The following HSF1 variants were observed in gnomAD, a reference collection of about 807,000 sequenced individuals.
The protein encoded by HSF1 is heat shock transcription factor 1.
In HSF1, 32 loss-of-function variants were observed where a neutral mutation model predicts 51.7. That is an observed-to-expected ratio of 0.62 (90% confidence interval 0.47 to 0.83). The LOEUF (loss-of-function observed/expected upper bound fraction) is 0.83. HSF1 is among the 40% of genes least tolerant of loss of function. The probability of loss-of-function intolerance (pLI) is 0.00; values close to 1 mark genes in which losing one functional copy is unlikely to be tolerated. For synonymous variants in HSF1, 396 were observed against 309.7 expected (o/e 1.28, Z -2.92); for missense variants, 727 against 717.0 (o/e 1.01, Z -0.16).
intron 1 of HSF1, among the ~76,000 whole-genome samples, chr8:144,298,426 G>A (rs1413116290): frequency 2.8e-5 from 4 of 143,516 alleles, no homozygotes; most frequent in Non-Finnish European, 6.0e-5. Flanking sequence ...GTGAAACCCC[G>A]TCTCTACTAA....
At chr8:144,303,046 G>C (rs1816001486) in intron 1 of HSF1, among the ~76,000 whole-genome samples, 1 of 152,046 alleles carries the variant, frequency 6.6e-6, no homozygotes, top group African/African-American at 2.4e-5. Flanking sequence ...CATCCGCTTT[G>C]GAAAGCAGCT....
chr8:144,300,021 A>G (rs1386639274), intron 1 of HSF1, among the ~76,000 whole-genome samples: 4 of 152,200 alleles, frequency 2.6e-5, no homozygotes, highest in Non-Finnish European at 5.9e-5. Context: ...GTTTACTGAG[A>G]TAGTTCCCCT....
intron 1 of HSF1, among the ~76,000 whole-genome samples, chr8:144,308,576 G>A (rs1463276344): frequency 2.0e-5 from 3 of 150,810 alleles, no homozygotes; most frequent in South Asian, 2.1e-4. Flanking sequence ...GCCAGAGTGC[G>A]GCGGATGCTT....
At chr8:144,312,573 C>T in intron 9 of HSF1, 1 of 1,438,654 alleles carries the variant, frequency 7.0e-7, no homozygotes, top group South Asian at 1.2e-5. Context: ...CAGGGCCGGC[C>T]TCCACACCCC....
intron 1 of HSF1, among the ~76,000 whole-genome samples, chr8:144,299,837 A>C (rs947860551): frequency 6.6e-6 from 1 of 152,140 alleles, no homozygotes; most frequent in African/African-American, 2.4e-5. Context: ...TGGACCCGGG[A>C]GGTGGAGCTT....
chr8:144,313,126 C>G, intron 9 of HSF1: 1 of 388,344 alleles, frequency 2.6e-6, no homozygotes, highest in Non-Finnish European at 4.8e-6. Context: ...AGCACCAGGG[C>G]AGGGACTGAG....
chr8:144,303,676 A>C (rs1816036879), intron 1 of HSF1, among the ~76,000 whole-genome samples: 1 of 152,110 alleles, frequency 6.6e-6, no homozygotes, highest in South Asian at 2.1e-4. Flanking sequence ...TCAGGAGTTC[A>C]AGACCAGCCT....
intron 9 of HSF1, 42 bp downstream of exon 9, chr8:144,312,286 C>A (rs782784513): frequency 1.4e-6 from 2 of 1,404,152 alleles, no homozygotes; most frequent in South Asian, 1.3e-5. Context: ...AGCGCCTGGA[C>A]GCACAGCCCT....
rs529992458 is a variant in HSF1, at chr8:144,297,621, G to A, written c.117+5747G>A. ...CTCACTGCTTCCATGCCCTGACTCC[G>A]GTGGTCCCTGCTCCCCACACGTGGG... On this transcript the variant is annotated intron_variant, in intron 1 of 12. Transcript: ENST00000528838. This position sits in a 1 kb window ranked among gnomAD's most constrained non-coding sequence, Gnocchi z 4.6. Among the ~76,000 whole-genome samples the A allele has an allele frequency of 4.8e-4, 73 of 152,230 alleles. No homozygotes were observed. Among genetic ancestry groups the A allele is most frequent in the African/African-American group, 1.6e-3 (68 of 41,528 alleles).
intron 1 of HSF1, among the ~76,000 whole-genome samples, chr8:144,294,435 CCTT>C (rs1215700082): frequency 2.0e-5 from 3 of 152,214 alleles, no homozygotes; most frequent in Admixed American, 1.3e-4. Flanking sequence ...GGGAGAGTCT[CCTT>C]CTGGCTCAGA....
At chr8:144,313,286 C>T in intron 9 of HSF1, 1 of 536,192 alleles carries the variant, frequency 1.9e-6, no homozygotes, top group Non-Finnish European at 3.3e-6. Context: ...CCCAGGCCCT[C>T]ATGGCAAAGG....
rs138124924 is a variant in HSF1 at position 144,309,327 on chromosome 8, G to A, written c.227-128G>A. On this transcript the variant is annotated intron_variant, in intron 2 of 12. Coordinates refer to ENST00000528838, the MANE Select transcript of HSF1 (RefSeq NM_005526.4). ...AGGCCACTCGGCCACCCAGGCATGG[G>A]CTCTGAGGGGGCAGGGCAGGGTCTG... The A allele has an allele frequency of 4.0e-4, 536 of 1,345,710 alleles. 3 individuals carry two copies. In the African/African-American group the frequency reaches 7.2e-3, roughly 18 times the overall value. 83.4% of individuals were successfully genotyped at this position (1,345,710 alleles called of 1,614,324 possible).
At chr8:144,309,300 C>T (rs1044510040) in intron 2 of HSF1, 155 bp from the exon 3 acceptor site, 62 of 1,037,526 alleles carry the variant, frequency 6.0e-5, no homozygotes, top group Middle Eastern at 2.6e-4. Flanking sequence ...TCCCTTAGAC[C>T]AAGGCCACTC....
In HSF1 at chr8:144,296,198, C is replaced by T. The variant is rs139218048; in HGVS notation, c.117+4324C>T. Among the ~76,000 whole-genome samples the T allele has an allele frequency of 5.9e-5, 9 of 152,204 alleles. No individual in the cohort carries two copies. The East Asian group carries it at 1.7e-3, about 29-fold the overall frequency. ...GGCCTGAGGGGTCCCTGAAGTAAGG[C>T]AGGGCAGGGCGTCCACTCATAAGCA... On this transcript the variant is annotated intron_variant, in intron 1 of 12. Transcript: ENST00000528838.
At chr8:144,307,861 G>A (rs879955778) in intron 1 of HSF1, among the ~76,000 whole-genome samples, 9 of 152,104 alleles carry the variant, frequency 5.9e-5, no homozygotes, top group Non-Finnish European at 1.0e-4. Context: ...AATGCTCCCC[G>A]TGCTACTGTA....
chr8:144,308,806 G>A, intron 1 of HSF1, 100 bp from the exon 2 acceptor site: 1 of 951,796 alleles, frequency 1.1e-6, no homozygotes, highest in Non-Finnish European at 1.7e-6. Context: ...GGTGGAACGT[G>A]CACTGCCTGC....
At chr8:144,310,023 T>C (rs1816509170) in intron 4 of HSF1, 127 bp downstream of exon 4, 6 of 1,171,094 alleles carry the variant, frequency 5.1e-6, no homozygotes, top group Middle Eastern at 3.0e-4. Context: ...TCCACGCACA[T>C]CTACCCTGGG....
At chr8:144,303,320 C>T (rs1004495338) in intron 1 of HSF1, among the ~76,000 whole-genome samples, 2 of 152,004 alleles carry the variant, frequency 1.3e-5, no homozygotes, top group Non-Finnish European at 2.9e-5. Context: ...AACAAGCCTG[C>T]GGTTTCACTT....
rs192711368 is a variant in HSF1 at position 144,307,550 on chromosome 8, G to A, written c.118-1356G>A. Reference sequence around the variant, plus strand: ...AGGTCAGGAATTCGAGACCAGTCTGGGCAACATGGTGAAACCCCATCTCTC... The same window carrying A: ...AGGTCAGGAATTCGAGACCAGTCTGAGCAACATGGTGAAACCCCATCTCTC... On this transcript the variant is annotated intron_variant, in intron 1 of 12. Coordinates refer to ENST00000528838, the MANE Select transcript of HSF1 (RefSeq NM_005526.4). 1.8e-4 allele frequency among the ~76,000 whole-genome samples: 28 copies of A among 152,352 alleles called. 1 individual carries two copies. In the East Asian group the frequency reaches 5.2e-3, roughly 28 times the overall value.
Sources: gnomAD v4.1 joint callset for allele counts (sites outside exome capture counted in the v4.1 genomes callset) on GRCh38, gnomAD v4.1.1 for gene constraint, Gnocchi (gnomAD v3.1) non-coding constraint, MANE v1.5 for transcripts, NCBI Gene and HGNC (gene_info 2026-07-23, HGNC 2026-07-21) for gene names.